The following NKAIN2 variants were observed in gnomAD, a reference collection of about 807,000 sequenced individuals.
NKAIN2 encodes the protein sodium/potassium transporting ATPase interacting 2, also known as sodium/potassium-transporting ATPase subunit beta-1-interacting protein 2.
Under a neutral mutation model 32.6 loss-of-function variants are expected in NKAIN2, and 14 were observed. That is an observed-to-expected ratio of 0.43 (90% CI 0.28 to 0.67). The LOEUF is 0.67. Among genes scored for constraint, NKAIN2 ranks in the 30% least tolerant of loss-of-function variants. The probability of loss-of-function intolerance (pLI) is 0.17; values close to 1 mark genes in which losing one functional copy is unlikely to be tolerated. For missense variants in NKAIN2, 198 were observed against 258.3 expected (o/e 0.77, Z 1.60); for synonymous variants, 80 against 87.2 (o/e 0.92, Z 0.46).
intron 1 of NKAIN2, among the ~76,000 whole-genome samples, chr6:124,192,695 A>G (rs1253908532): frequency 1.3e-5 from 2 of 149,782 alleles, no homozygotes; most frequent in Non-Finnish European, 1.5e-5. Flanking sequence ...GAGGATTTTA[A>G]TACTACCAAT....
chr6:124,056,423 A>G (rs968813325), intron 1 of NKAIN2, among the ~76,000 whole-genome samples: 2 of 151,902 alleles, frequency 1.3e-5, no homozygotes, highest in African/African-American at 4.8e-5. Flanking sequence ...ATTCTTTGAT[A>G]TAGCCAAAAA....
chr6:124,474,462 A>G (rs1777103458), intron 3 of NKAIN2, among the ~76,000 whole-genome samples: 1 of 152,060 alleles, frequency 6.6e-6, no homozygotes, highest in African/African-American at 2.4e-5. Flanking sequence ...CTTCAAACGG[A>G]ACCACTTTCT....
chr6:124,459,516 T>G (rs1175446901), intron 3 of NKAIN2, among the ~76,000 whole-genome samples: 1 of 151,866 alleles, frequency 6.6e-6, no homozygotes, highest in Non-Finnish European at 1.5e-5. Flanking sequence ...TGAAAGAGGA[T>G]AGAAAAACCA....
intron 1 of NKAIN2, among the ~76,000 whole-genome samples, chr6:123,935,925 GA>G (rs1353523366): frequency 2.6e-5 from 4 of 151,986 alleles, no homozygotes; most frequent in African/African-American, 7.2e-5. Flanking sequence ...TTTCTTTAGG[GA>G]AAAAAATAGA....
At chr6:124,279,927 G>A (rs930001944) in intron 1 of NKAIN2, among the ~76,000 whole-genome samples, 3 of 152,094 alleles carry the variant, frequency 2.0e-5, no homozygotes, top group Admixed American at 2.0e-4. Context: ...AGTAATGGAA[G>A]GGAAGATAAT....
At chr6:124,340,437 G>A (rs929636366) in intron 2 of NKAIN2, among the ~76,000 whole-genome samples, 4 of 152,024 alleles carry the variant, frequency 2.6e-5, no homozygotes, top group Non-Finnish European at 5.9e-5. Context: ...AGATAAACTT[G>A]TGTCATGGGG....
intron 5 of NKAIN2, among the ~76,000 whole-genome samples, chr6:124,801,555 T>C (rs1199817211): frequency 6.6e-6 from 1 of 152,206 alleles, no homozygotes; most frequent in African/African-American, 2.4e-5. Flanking sequence ...TAACAAATAA[T>C]TATTGAGCAA....
intron 2 of NKAIN2, among the ~76,000 whole-genome samples, chr6:124,350,733 T>C (rs527610439): frequency 6.6e-6 from 1 of 152,356 alleles, no homozygotes; most frequent in East Asian, 1.9e-4. Flanking sequence ...GAACATTTGC[T>C]ATATTCTTTA....
intron 1 of NKAIN2, among the ~76,000 whole-genome samples, chr6:124,176,279 C>T (rs1370683391): frequency 6.6e-6 from 1 of 152,004 alleles, no homozygotes. Context: ...TACAGACCTT[C>T]GATTTGTAAA....
intron 1 of NKAIN2, among the ~76,000 whole-genome samples, chr6:123,889,228 G>T (rs1047513445): frequency 6.6e-6 from 1 of 151,952 alleles, no homozygotes; most frequent in Non-Finnish European, 1.5e-5. Flanking sequence ...GTTAGACTAA[G>T]TGCCTCCTAG....
At chr6:124,215,234 C>A (rs1160150476) in intron 1 of NKAIN2, among the ~76,000 whole-genome samples, 1 of 152,004 alleles carries the variant, frequency 6.6e-6, no homozygotes, top group Non-Finnish European at 1.5e-5. Flanking sequence ...CAAAATAAAT[C>A]TCTCAGGAAA....
intron 1 of NKAIN2, among the ~76,000 whole-genome samples, chr6:124,179,723 G>A (rs1789343013): frequency 6.6e-6 from 1 of 152,174 alleles, no homozygotes; most frequent in Non-Finnish European, 1.5e-5. Flanking sequence ...TTTCTGAGGG[G>A]AAATGTAACT....
At chr6:123,905,048 A>C (rs892560064) in intron 1 of NKAIN2, among the ~76,000 whole-genome samples, 1 of 152,228 alleles carries the variant, frequency 6.6e-6, no homozygotes, top group Non-Finnish European at 1.5e-5. Flanking sequence ...AGAAAATGGA[A>C]AATTGCTAAG....
intron 1 of NKAIN2, chr6:124,121,822 CT>C: frequency 3.6e-6 from 2 of 562,602 alleles, no homozygotes; most frequent in South Asian, 2.8e-5. Flanking sequence ...TTGGGGTTGC[CT>C]TTAAATGGGT....
intron 3 of NKAIN2, among the ~76,000 whole-genome samples, chr6:124,551,843 T>G (rs1780298651): frequency 6.6e-6 from 1 of 152,240 alleles, no homozygotes; most frequent in Non-Finnish European, 1.5e-5. Flanking sequence ...AATTTTTCAC[T>G]GGTCAGAGTC....
intron 4 of NKAIN2, among the ~76,000 whole-genome samples, chr6:124,700,741 A>G (rs1352066320): frequency 6.6e-6 from 1 of 151,952 alleles, no homozygotes; most frequent in East Asian, 1.9e-4. Context: ...AGAAAAATAC[A>G]CCTAAAAAAA....
At chr6:124,430,422 T>C (rs182356533) in intron 3 of NKAIN2, among the ~76,000 whole-genome samples, 293 of 152,276 alleles carry the variant, frequency 1.9e-3, no homozygotes, top group Non-Finnish European at 3.5e-3. Flanking sequence ...TTGACTGGGT[T>C]CAGCTTGGGA....
At chr6:124,600,830 G>T (rs1178793694) in intron 3 of NKAIN2, among the ~76,000 whole-genome samples, 2 of 151,936 alleles carry the variant, frequency 1.3e-5, no homozygotes, top group Non-Finnish European at 1.5e-5. Context: ...GTTTTGACCA[G>T]AAAAACTTTT....
intron 1 of NKAIN2, among the ~76,000 whole-genome samples, chr6:124,276,840 G>A (rs181731464): frequency 2.6e-5 from 4 of 152,272 alleles, no homozygotes; most frequent in South Asian, 2.1e-4. Context: ...GGCCCAGAGC[G>A]TGCTCAAGAC....
Sources: allele counts gnomAD v4.1 joint callset (sites outside exome capture counted in the v4.1 genomes callset), GRCh38; gene constraint gnomAD v4.1.1; transcripts MANE v1.5; gene names NCBI Gene and HGNC (gene_info 2026-07-23, HGNC 2026-07-21).